Variants in ADGRV1 observed in about 807,000 individuals in gnomAD.
ADGRV1 encodes the protein G-protein coupled receptor 98.
In ADGRV1, 359 loss-of-function variants were observed where a neutral mutation model predicts 596.2. The observed-to-expected ratio is 0.60, with a 90% CI of 0.55 to 0.66. ADGRV1 has a LOEUF of 0.66. Among genes scored for constraint, ADGRV1 ranks in the 30% least tolerant of loss-of-function variants. The pLI is 0.00. For missense variants in ADGRV1, 7,274 were observed against 7,575.6 expected (o/e 0.96, Z 1.48); for synonymous variants, 2,681 against 2,679.2 (o/e 1.00, Z -0.02).
In ADGRV1 at chr5:90,965,418, C is replaced by T; in HGVS notation, c.17860C>T (p.Leu5954=). 4 of 1,599,106 alleles carry T rather than the reference C, an allele frequency of 2.5e-6. No individual in the cohort carries two copies. The highest frequency in any genetic ancestry group is 2.6e-6 in the Non-Finnish European group (3 of 1,166,424). Residue 5954 remains leucine, a synonymous_variant, in exon 84 of 90, where the codon CTG becomes TTG. Coordinates refer to ENST00000405460, the MANE Select transcript of ADGRV1 (RefSeq NM_032119.4). ...TAGAAGTATCTGTTTCTTACAGATT[C>T]TGTTTCTGGCGTCTGCATACGCAAG... ...MMAASLGTQI[L]FLASAYASPQ... is the part of the protein sequence containing the mutation.
At chr5:90,675,535 A>G (rs557741556) in intron 24 of ADGRV1, 90 bp downstream of exon 24, 51 of 1,242,994 alleles carry the variant, frequency 4.1e-5, no homozygotes, top group Non-Finnish European at 5.4e-5. Flanking sequence ...TACCTGGAAC[A>G]TAGTGACTCA....
chr5:90,573,603 ATACC>A lies in ADGRV1; in HGVS notation c.22+14688_22+14691del, dbSNP rs1321691092. Among the ~76,000 whole-genome samples, 98 of 152,338 alleles carry A rather than the reference ATACC, an allele frequency of 6.4e-4. 2 individuals carry two copies. The highest frequency in any genetic ancestry group is 6.4e-3 in the Admixed American group (98 of 15,304). ...TTATAACCTTATGGACCACCATCAT[ATACC>A]TGGTCCATCACTGACTGAAACATCA... On this transcript the variant is annotated intron_variant, in intron 1 of 89. Transcript: ENST00000405460.
intron 76 of ADGRV1, among the ~76,000 whole-genome samples, chr5:90,828,574 T>C (rs1344016814): frequency 6.6e-6 from 1 of 152,164 alleles, no homozygotes; most frequent in Non-Finnish European, 1.5e-5. Flanking sequence ...CTGTCATATT[T>C]TGAGATGCAT....
chr5:90,786,359 C>T (rs939680205), intron 67 of ADGRV1, among the ~76,000 whole-genome samples: 25 of 152,276 alleles, frequency 1.6e-4, no homozygotes, highest in African/African-American at 5.8e-4. Context: ...TGTGTCAAAC[C>T]TGCACGTTGT....
chr5:90,967,910 T>C (rs1223728544), intron 84 of ADGRV1, among the ~76,000 whole-genome samples: 1 of 152,210 alleles, frequency 6.6e-6, no homozygotes, highest in Non-Finnish European at 1.5e-5. Context: ...TAGGTTGCGT[T>C]GATAGCAGTA....
At chr5:90,818,227 G>T (rs1463713010) in intron 75 of ADGRV1, among the ~76,000 whole-genome samples, 1 of 151,414 alleles carries the variant, frequency 6.6e-6, no homozygotes, top group East Asian at 1.9e-4. Flanking sequence ...TCTGTTGTTG[G>T]TGTGTAAGAA....
intron 87 of ADGRV1, among the ~76,000 whole-genome samples, chr5:91,128,674 G>A (rs1422902031): frequency 1.3e-5 from 2 of 152,130 alleles, no homozygotes; most frequent in African/African-American, 4.8e-5. Context: ...GGAAAAAATA[G>A]TAATAGCATG....
intron 75 of ADGRV1, among the ~76,000 whole-genome samples, chr5:90,819,757 T>C (rs1377037151): frequency 8.5e-5 from 13 of 152,150 alleles, no homozygotes; most frequent in African/African-American, 3.1e-4. Flanking sequence ...GAGTTCCAGT[T>C]TGATTGCACT....
At chr5:90,596,198 C>G (rs1177055826) in intron 1 of ADGRV1, among the ~76,000 whole-genome samples, 3 of 149,578 alleles carry the variant, frequency 2.0e-5, no homozygotes, top group Non-Finnish European at 4.5e-5. Flanking sequence ...GATGGGCGGC[C>G]GGGCAGAGAC....
At chr5:91,151,008 A>G (rs989050149) in intron 88 of ADGRV1, among the ~76,000 whole-genome samples, 4 of 152,148 alleles carry the variant, frequency 2.6e-5, no homozygotes, top group Non-Finnish European at 5.9e-5. Flanking sequence ...CTTGGTTACC[A>G]TTTTTTTATA....
At chr5:90,831,231 C>CTATA (rs1265617354) in intron 77 of ADGRV1, among the ~76,000 whole-genome samples, 9 of 150,920 alleles carry the variant, frequency 6.0e-5, no homozygotes, top group African/African-American at 1.2e-4. Context: ...CTCTCTCTCT[C>CTATA]TCTCTATATA....
chr5:90,721,090 C>G (rs1413519177), intron 45 of ADGRV1, 31 bp downstream of exon 45: 1 of 1,591,152 alleles, frequency 6.3e-7, no homozygotes. Context: ...GAACAAAATT[C>G]TGTAACGAAA....
chr5:90,850,778 C>G (rs1302365834), intron 79 of ADGRV1: 2 of 152,056 alleles, frequency 1.3e-5, no homozygotes, highest in Admixed American at 1.3e-4. Flanking sequence ...CTTCAAGGGC[C>G]CAGTGAAAAC....
intron 89 of ADGRV1, among the ~76,000 whole-genome samples, chr5:91,160,968 A>G (rs1361164978): frequency 1.3e-5 from 2 of 152,206 alleles, no homozygotes; most frequent in Non-Finnish European, 2.9e-5. Flanking sequence ...TGCTTTCAAT[A>G]AGGCAGAGCT....
intron 70 of ADGRV1, among the ~76,000 whole-genome samples, chr5:90,800,544 T>A (rs933930208): frequency 1.3e-5 from 2 of 152,178 alleles, no homozygotes; most frequent in African/African-American, 4.8e-5. Flanking sequence ...GGACTAGAAA[T>A]ACCATTTGAC....
At chr5:90,612,777 C>T (rs551620855) in intron 1 of ADGRV1, among the ~76,000 whole-genome samples, 1 of 152,166 alleles carries the variant, frequency 6.6e-6, no homozygotes, top group South Asian at 2.1e-4. Flanking sequence ...GAAGTTCGCA[C>T]ATATAGCATT....
intron 1 of ADGRV1, among the ~76,000 whole-genome samples, chr5:90,599,675 T>C (rs1171682048): frequency 1.3e-5 from 2 of 152,082 alleles, no homozygotes; most frequent in African/African-American, 2.4e-5. Flanking sequence ...ATCTCAGAGA[T>C]TTTTCCTTAG....
At chr5:90,687,770 G>A (rs1745880019) in intron 29 of ADGRV1, among the ~76,000 whole-genome samples, 1 of 152,070 alleles carries the variant, frequency 6.6e-6, no homozygotes, top group South Asian at 2.1e-4. Flanking sequence ...CAAACAGAGA[G>A]CCAAATCATG....
chr5:90,783,223 G>A lies in ADGRV1; in HGVS notation c.13331G>A (p.Ser4444Asn). ...TTCATCTCTCAGAGCTCCTCTGCCAGTCCCGGAGGTGTTGATTACATTTTG... is the reference window on the plus strand; with the variant it reads ...TTCATCTCTCAGAGCTCCTCTGCCAATCCCGGAGGTGTTGATTACATTTTG... ...ADFISQSSSA[S>N]PGGVDYILHG... The change falls in exon 66 of 90, where the codon AGT becomes AAT. Residue 4444 changes from serine to asparagine, a missense_variant. By Grantham distance (46) the Ser-to-Asn change is conservative. This residue lies in a region of ADGRV1 where 3,643 missense variants were observed against 3,809.2 expected (regional missense o/e 0.96). Coordinates refer to ENST00000405460, the MANE Select transcript of ADGRV1 (RefSeq NM_032119.4). The A allele has an allele frequency of 6.2e-7, 1 of 1,613,604 alleles. No individual in the cohort carries two copies. The highest frequency in any genetic ancestry group is 8.5e-7 in the Non-Finnish European group (1 of 1,179,592).
Sources: gnomAD v4.1 joint callset for allele counts (sites outside exome capture counted in the v4.1 genomes callset) on GRCh38, gnomAD v4.1.1 for gene constraint, gnomAD v4.1.1 regional missense constraint, MANE v1.5 for transcripts, NCBI Gene and HGNC (gene_info 2026-07-23, HGNC 2026-07-21) for gene names.